Variants in CADPS observed in about 807,000 individuals in gnomAD.
CADPS encodes the protein calcium dependent secretion activator.
Under a neutral mutation model 167.3 loss-of-function variants are expected in CADPS, and 57 were observed. The ratio of observed to expected loss-of-function variants is 0.34; its 90% CI spans 0.28 to 0.42. CADPS has a LOEUF of 0.42. CADPS is among the 20% of genes least tolerant of loss of function. The pLI is 1.00. For missense variants in CADPS, 1,414 were observed against 1,738.1 expected (o/e 0.81, Z 3.32); for synonymous variants, 676 against 635.3 (o/e 1.06, Z -0.96).
intron 8 of CADPS, among the ~76,000 whole-genome samples, chr3:62,582,304 G>C (rs1458569870): frequency 6.6e-6 from 1 of 152,080 alleles, no homozygotes; most frequent in African/African-American, 2.4e-5. Flanking sequence ...AAATTAGCTG[G>C]GTGTGGTGGT....
chr3:62,442,923 A>G (rs1365268885), intron 27 of CADPS, among the ~76,000 whole-genome samples: 1 of 152,208 alleles, frequency 6.6e-6, no homozygotes, highest in East Asian at 1.9e-4. Context: ...CATATAGAAT[A>G]TACGTGTATT....
rs2082294413 is a variant in CADPS at position 62,576,521 on chromosome 3, T to C, written c.1578-5583A>G. ...GTATTAAAAATAGCAGTCCTCACGG[T>C]GGCTCACACCTGTACTCCTAGCACT... is the stretch of plus-strand genomic sequence containing the variant. On this transcript the variant is annotated intron_variant, in intron 8 of 29. Coordinates refer to ENST00000383710, the MANE Select transcript of CADPS (RefSeq NM_003716.4). Among the ~76,000 whole-genome samples, 4 of 151,788 alleles carry C rather than the reference T, an allele frequency of 2.6e-5. 1 individual carries two copies. In the South Asian group the frequency reaches 8.3e-4, roughly 32 times the overall value.
chr3:62,842,643 C>T (rs1432320453), intron 1 of CADPS, among the ~76,000 whole-genome samples: 2 of 152,092 alleles, frequency 1.3e-5, no homozygotes, highest in Non-Finnish European at 2.9e-5. Flanking sequence ...CTTAAAAATT[C>T]CATGAAGGCA....
chr3:62,460,055 T>C (rs2059146854), intron 26 of CADPS, among the ~76,000 whole-genome samples: 1 of 152,208 alleles, frequency 6.6e-6, no homozygotes, highest in African/African-American at 2.4e-5. Context: ...TTTCTGTGTA[T>C]ATATGGGGAA....
At chr3:62,766,582 T>G (rs1347954767) in intron 1 of CADPS, among the ~76,000 whole-genome samples, 1 of 152,230 alleles carries the variant, frequency 6.6e-6, no homozygotes, top group African/African-American at 2.4e-5. Flanking sequence ...TTGTTGTTGG[T>G]ACATCCATGA....
At chr3:62,711,785 C>A (rs1322677976) in intron 3 of CADPS, among the ~76,000 whole-genome samples, 1 of 152,192 alleles carries the variant, frequency 6.6e-6, no homozygotes, top group Non-Finnish European at 1.5e-5. Flanking sequence ...TTGATTCATT[C>A]ATCTATGGTA....
intron 6 of CADPS, among the ~76,000 whole-genome samples, chr3:62,594,147 T>A (rs140812282): frequency 0.028 from 4,125 of 145,258 alleles, 101 homozygotes; most frequent in Non-Finnish European, 0.038. Flanking sequence ...TTATTTATTT[T>A]TTTTATTTTT....
Position 62,529,004 on chromosome 3 carries a change from C to G in CADPS, c.2291+3867G>C, listed in dbSNP as rs527418582. Among the ~76,000 whole-genome samples, 4 of 151,874 alleles carry G rather than the reference C, an allele frequency of 2.6e-5. No individual in the cohort carries two copies. In the South Asian group the frequency reaches 8.3e-4, roughly 32 times the overall value. On this transcript the variant is annotated intron_variant, in intron 13 of 29. Transcript: ENST00000383710. ...TGAAACCCTCTCTCTACTAAAAATACAAAAAAATTAGCGGGGCGTGGTGGC... is the reference window on the plus strand; with the variant it reads ...TGAAACCCTCTCTCTACTAAAAATAGAAAAAAATTAGCGGGGCGTGGTGGC...
chr3:62,487,304 C>T (rs1234073049), intron 21 of CADPS, among the ~76,000 whole-genome samples: 1 of 152,222 alleles, frequency 6.6e-6, no homozygotes, highest in Non-Finnish European at 1.5e-5. Flanking sequence ...TGAAGGCCAC[C>T]ATGGCTTATT....
At position 62,750,947 on chromosome 3, in the gene CADPS, G is replaced by C. The variant is rs139674910; in HGVS notation, c.888+2494C>G. On this transcript the variant is annotated intron_variant, in intron 3 of 29. Coordinates refer to ENST00000383710, the MANE Select transcript of CADPS (RefSeq NM_003716.4). ...CCATTTTTTCACTATCATATAAAAG[G>C]CTGCAGTGAACATCTTTGGACTTAA... 1.3e-4 allele frequency among the ~76,000 whole-genome samples: 20 copies of C among 152,218 alleles called. 1 individual carries two copies. In the East Asian group the frequency reaches 3.3e-3, roughly 25 times the overall value.
At chr3:62,513,768 T>C (rs1337789482) in intron 16 of CADPS, 7 of 1,075,826 alleles carry the variant, frequency 6.5e-6, no homozygotes, top group South Asian at 5.4e-5. Context: ...TTAAAGGTCA[T>C]AGGTTAGAGG....
intron 8 of CADPS, 21 bp downstream of exon 8, chr3:62,585,164 A>C (rs1374934240): frequency 6.2e-7 from 1 of 1,610,888 alleles, no homozygotes; most frequent in East Asian, 2.2e-5. Context: ...CAAAACTGCT[A>C]GTTGGGGAAG....
intron 3 of CADPS, among the ~76,000 whole-genome samples, chr3:62,679,813 G>T (rs1338121575): frequency 6.6e-6 from 1 of 152,024 alleles, no homozygotes; most frequent in East Asian, 1.9e-4. Context: ...AAAGCGACTG[G>T]AAAGCTAAGA....
At chr3:62,498,646 G>A (rs948364695) in intron 18 of CADPS, among the ~76,000 whole-genome samples, 1 of 151,526 alleles carries the variant, frequency 6.6e-6, no homozygotes, top group Non-Finnish European at 1.5e-5. Context: ...TTGGAGAATC[G>A]ACAAGTTGAA....
At chr3:62,784,077 C>A (rs566709107) in intron 1 of CADPS, among the ~76,000 whole-genome samples, 5 of 152,098 alleles carry the variant, frequency 3.3e-5, no homozygotes, top group Non-Finnish European at 7.3e-5. Context: ...TACATGATGA[C>A]GCTTATCTTA....
intron 27 of CADPS, 24 bp downstream of exon 27, chr3:62,445,741 G>T: frequency 5.6e-6 from 7 of 1,250,158 alleles, no homozygotes; most frequent in South Asian, 1.5e-5. Flanking sequence ...AAAACCCCAT[G>T]AGAAACAATT....
At chr3:62,485,814 T>C (rs1226314953) in intron 21 of CADPS, among the ~76,000 whole-genome samples, 1 of 152,194 alleles carries the variant, frequency 6.6e-6, no homozygotes, top group Non-Finnish European at 1.5e-5. Flanking sequence ...GACAGTGATA[T>C]CTTCAAGAAT....
chr3:62,473,970 TGACTGACA>T (rs2060931502), intron 24 of CADPS, 195 bp downstream of exon 24: 4 of 452,988 alleles, frequency 8.8e-6, no homozygotes, highest in Non-Finnish European at 1.5e-5. Flanking sequence ...CACTTCCAAG[TGACTGACA>T]TTCTCATCAG....
chr3:62,712,938 G>A (rs1455345091), intron 3 of CADPS, among the ~76,000 whole-genome samples: 1 of 152,180 alleles, frequency 6.6e-6, no homozygotes, highest in African/African-American at 2.4e-5. Flanking sequence ...GTTAATGGAT[G>A]CAAATGAGCC....
Sources: gnomAD v4.1 joint callset for allele counts (sites outside exome capture counted in the v4.1 genomes callset) on GRCh38, gnomAD v4.1.1 for gene constraint, MANE v1.5 for transcripts, NCBI Gene and HGNC (gene_info 2026-07-23, HGNC 2026-07-21) for gene names.